Variants in TUT7 observed in about 807,000 individuals in gnomAD.
TUT7 encodes terminal uridylyltransferase 7.
A neutral mutation model predicts 165.9 loss-of-function variants in TUT7; 33 were observed. The ratio of observed to expected loss-of-function variants is 0.20; its 90% CI spans 0.15 to 0.27. TUT7 has a LOEUF of 0.27. Ranked by LOEUF, TUT7 falls within the 10% of genes least tolerant of loss-of-function variation. The pLI is 1.00. For synonymous variants in TUT7, 552 were observed against 608.1 expected (o/e 0.91, Z 1.36); for missense variants, 1,338 against 1,762.3 (o/e 0.76, Z 4.31).
chr9:86,300,459 T>G (rs945185892), intron 26 of TUT7, among the ~76,000 whole-genome samples: 2 of 152,214 alleles, frequency 1.3e-5, no homozygotes, highest in African/African-American at 4.8e-5. Flanking sequence ...AAAAATTACT[T>G]CCAAATATTT....
chr9:86,351,589 G>A (rs1156835592), intron 2 of TUT7, among the ~76,000 whole-genome samples: 2 of 152,056 alleles, frequency 1.3e-5, no homozygotes, highest in South Asian at 2.1e-4. Flanking sequence ...GATAAAAGAC[G>A]ACCTTTTGGC....
chr9:86,352,573 T>C, intron 2 of TUT7, 107 bp downstream of exon 2: 1 of 1,326,578 alleles, frequency 7.5e-7, no homozygotes, highest in South Asian at 1.2e-5. Flanking sequence ...ACAGAAACTG[T>C]GAAAAACTGA....
chr9:86,302,223 A>G (rs952605558), intron 25 of TUT7, among the ~76,000 whole-genome samples: 2 of 152,172 alleles, frequency 1.3e-5, no homozygotes, highest in African/African-American at 4.8e-5. Flanking sequence ...AAGGCAAGCA[A>G]GCAAAAACAT....
intron 25 of TUT7, among the ~76,000 whole-genome samples, chr9:86,302,561 G>A (rs796394082): frequency 2.9e-4 from 44 of 150,650 alleles, no homozygotes; most frequent in African/African-American, 1.0e-3. Context: ...CAAGTGATCC[G>A]CCTGCCTTGG....
chr9:86,293,579 G>A (rs2131261397), intron 26 of TUT7, among the ~76,000 whole-genome samples: 1 of 152,284 alleles, frequency 6.6e-6, no homozygotes, highest in South Asian at 2.1e-4. Context: ...CAGGGTATGG[G>A]AAACAATGTC....
intron 17 of TUT7, among the ~76,000 whole-genome samples, chr9:86,316,339 C>T (rs1386028891): frequency 6.6e-6 from 1 of 152,192 alleles, no homozygotes; most frequent in Non-Finnish European, 1.5e-5. Context: ...AGCGTAGTGG[C>T]TCACACCTGT....
intron 2 of TUT7, among the ~76,000 whole-genome samples, chr9:86,348,380 G>T (rs985643656): frequency 3.3e-5 from 5 of 152,174 alleles, no homozygotes; most frequent in Admixed American, 6.5e-5. Context: ...TACAGATGGG[G>T]ACAATGCGAA....
intron 7 of TUT7, 149 bp from the exon 8 acceptor site, chr9:86,340,254 G>A: frequency 3.3e-6 from 2 of 605,850 alleles, no homozygotes; most frequent in Non-Finnish European, 5.7e-6. Flanking sequence ...GACTTGAAAA[G>A]GAAAAAATAT....
At chr9:86,290,751 C>T (rs1403169148) in intron 26 of TUT7, among the ~76,000 whole-genome samples, 2 of 150,388 alleles carry the variant, frequency 1.3e-5, no homozygotes, top group Admixed American at 6.6e-5. Context: ...GTCCCAGCTA[C>T]TCGGAAGGCT....
At chr9:86,349,579 A>T (rs1251619867) in intron 2 of TUT7, among the ~76,000 whole-genome samples, 1 of 152,178 alleles carries the variant, frequency 6.6e-6, no homozygotes, top group Admixed American at 6.5e-5. Flanking sequence ...GGGGGAAAAA[A>T]GCAACTCCAC....
rs767791905 is a variant in TUT7 at position 86,325,305 on chromosome 9, G to A, written c.1789+29C>T. ...CTGGTACCTTTAAAAAAAAGAGTGG[G>A]GGGGAATAAGATAAACATTTTGAGA... On this transcript the variant is annotated intron_variant, in intron 12 of 26. Transcript: ENST00000375963. 6 of 1,603,400 alleles carry A rather than the reference G, an allele frequency of 3.7e-6. No homozygotes were observed. In the Admixed American group the frequency reaches 8.4e-5, roughly 23 times the overall value.
At chr9:86,346,571 G>C in intron 2 of TUT7, 91 bp from the exon 3 acceptor site, 2 of 1,289,908 alleles carry the variant, frequency 1.6e-6, no homozygotes, top group Non-Finnish European at 2.2e-6. Flanking sequence ...AATCATGTGA[G>C]AGAATAAATC....
Position 86,328,327 on chromosome 9 carries a change from A to G in TUT7, c.1608+13T>C, listed in dbSNP as rs1344875364. ...CAAGTGAAACTGACAACTAGAAACA[A>G]AAGAGAACAGACCTGTCCCCTTTTA... On this transcript the variant is annotated intron_variant, in intron 11 of 26. Coordinates refer to ENST00000375963, the MANE Select transcript of TUT7 (RefSeq NM_024617.4). The G allele has an allele frequency of 6.4e-7, 1 of 1,561,888 alleles. No homozygotes were observed. The highest frequency in any genetic ancestry group is 8.6e-7 in the Non-Finnish European group (1 of 1,157,824).
In TUT7 at chr9:86,288,174, A is replaced by G. The variant is rs1825668158; in HGVS notation, c.*503T>C. The G allele has an allele frequency of 6.6e-6, 1 of 152,428 alleles. No individual in the cohort carries two copies. The highest frequency in any genetic ancestry group is 2.4e-5 in the African/African-American group (1 of 41,448). The allele number at this position is 152,428 out of a possible 1,614,324, so 9.4% of individuals were successfully genotyped here. A position where few individuals can be genotyped will look rare whatever the true frequency, so the allele number is the denominator to read the frequency against. On this transcript the variant is annotated 3_prime_UTR_variant, in exon 27 of 27. Transcript: ENST00000375963. ...TCATGTTATCACGTCTACAAATAGC[A>G]ATAAAATGATGTCCGTAAATCGGAA...
At position 86,319,690 on chromosome 9, in the gene TUT7, C is replaced by A. The variant is rs1011417230; in HGVS notation, c.3029-20G>T. Reference sequence around the variant, plus strand: ...AATCCTCTGTTTAAAAATAAATAGACATATTGACAAAATAAGCCGGTTGAC... The same window carrying A: ...AATCCTCTGTTTAAAAATAAATAGAAATATTGACAAAATAAGCCGGTTGAC... On this transcript the variant is annotated intron_variant, in intron 14 of 26. Coordinates refer to ENST00000375963, the MANE Select transcript of TUT7 (RefSeq NM_024617.4). 1.3e-6 allele frequency: 2 copies of A among 1,524,082 alleles called. No homozygotes were observed. The highest frequency in any genetic ancestry group is 1.4e-5 in the African/African-American group (1 of 72,200). The allele number at this position is 1,524,082 out of a possible 1,614,324, so 94.4% of individuals were successfully genotyped here. A position where few individuals can be genotyped will look rare whatever the true frequency, so the allele number is the denominator to read the frequency against.
In TUT7 at chr9:86,322,908, A is replaced by T; in HGVS notation, c.2842T>A (p.Tyr948Asn). Residue 948 changes from tyrosine to asparagine, a missense_variant, in exon 13 of 27, where the codon TAT becomes AAT. Around this residue, in one of 7 missense-constraint regions of TUT7, gnomAD observed 425 missense variants for 474.9 expected, o/e 0.89. Coordinates refer to ENST00000375963, the MANE Select transcript of TUT7 (RefSeq NM_024617.4). ...NSPVDQSDFF[Y>N]EFSKLIFTKG... ...GTGAAGATAAGTTTACTGAATTCAT[A>T]AAAAAAATCAGACTGATCCACAGGT... is the stretch of plus-strand genomic sequence containing the variant. The T allele has an allele frequency of 1.2e-6, 2 of 1,603,828 alleles. No individual in the cohort carries two copies. Among genetic ancestry groups the T allele is most frequent in the East Asian group, 2.2e-5 (1 of 44,688 alleles).
At chr9:86,303,894 T>C (rs1333919733) in intron 24 of TUT7, among the ~76,000 whole-genome samples, 3 of 152,164 alleles carry the variant, frequency 2.0e-5, no homozygotes, top group African/African-American at 7.2e-5. Flanking sequence ...CTACCATAAA[T>C]CAGATGTACA....
intron 22 of TUT7, among the ~76,000 whole-genome samples, chr9:86,306,678 G>A (rs1827520426): frequency 6.6e-6 from 1 of 152,070 alleles, no homozygotes; most frequent in Non-Finnish European, 1.5e-5. Context: ...TTGGTGGTGT[G>A]TGCCTGTAGT....
chr9:86,317,263 A>C lies in TUT7; in HGVS notation c.3230T>G (p.Val1077Gly). The change falls in exon 17 of 27, where the codon GTC (valine) becomes GGC (glycine). Residue 1077 changes from valine to glycine, a missense_variant. Physicochemically the swap from Val to Gly is moderately radical, Grantham distance 109 (BLOSUM62 -3). Coordinates refer to ENST00000375963, the MANE Select transcript of TUT7 (RefSeq NM_024617.4). The stretch of plus-strand genomic sequence containing the variant: ...TCTTGCTAATTCTTCAATAGTTCTG[A>C]CACAGTCCAATCCCTACAACAAAGA... ...GLETAEGLDCVRTIEELARVL... is the reference protein window; with the variant it reads ...GLETAEGLDCGRTIEELARVL... The C allele has an allele frequency of 6.2e-7, 1 of 1,613,918 alleles. No homozygotes were observed. Among genetic ancestry groups the C allele is most frequent in the East Asian group, 2.2e-5 (1 of 44,856 alleles).
Sources: gnomAD v4.1 joint callset for allele counts (sites outside exome capture counted in the v4.1 genomes callset) on GRCh38, gnomAD v4.1.1 for gene constraint, gnomAD v4.1.1 regional missense constraint, MANE v1.5 for transcripts, NCBI Gene and HGNC (gene_info 2026-07-23, HGNC 2026-07-21) for gene names.